Variants in TANC1 observed in about 807,000 individuals in gnomAD.
TANC1 encodes tetratricopeptide repeat, ankyrin repeat and coiled-coil containing 1.
TANC1 carries 77 observed loss-of-function variants against 149.7 expected under a neutral mutation model. The ratio of observed to expected loss-of-function variants is 0.51; its 90% CI spans 0.43 to 0.62. TANC1 has a LOEUF of 0.62. Ranked by LOEUF, TANC1 falls within the 20% of genes least tolerant of loss-of-function variation. The pLI, the probability that TANC1 is intolerant of heterozygous loss-of-function variation, is 0.00. For missense variants in TANC1, 1,985 were observed against 2,321.8 expected (o/e 0.85, Z 2.98); for synonymous variants, 854 against 925.0 (o/e 0.92, Z 1.39).
chr2:159,109,194 CTCTGTCTGCCCCAGTCATGAGTGTG>C (rs1359287013), intron 4 of TANC1, among the ~76,000 whole-genome samples: 3 of 152,158 alleles, frequency 2.0e-5, no homozygotes, highest in African/African-American at 7.2e-5. Context: ...TGCAGGCTGT[CTCTGTCTGCCCCAGTCATGAGTGTG>C]TCTGTCTGCC....
intron 4 of TANC1, among the ~76,000 whole-genome samples, chr2:159,134,816 T>G (rs572349930): frequency 2.0e-5 from 3 of 151,734 alleles, no homozygotes; most frequent in Admixed American, 6.6e-5. Context: ...AGACCAGGTC[T>G]TCACTGTGTT....
chr2:158,971,663 T>C (rs1417153835), intron 1 of TANC1, among the ~76,000 whole-genome samples: 1 of 152,138 alleles, frequency 6.6e-6, no homozygotes, highest in Non-Finnish European at 1.5e-5. Context: ...ATTTTTTTCA[T>C]CCCTAAAATG....
chr2:159,039,597 A>G (rs2040469982), intron 2 of TANC1, among the ~76,000 whole-genome samples: 1 of 152,116 alleles, frequency 6.6e-6, no homozygotes, highest in Non-Finnish European at 1.5e-5. Context: ...TTCTGCCTTC[A>G]TTCGTTATTT....
At chr2:159,167,483 C>T (rs974351104) in intron 8 of TANC1, among the ~76,000 whole-genome samples, 5 of 152,200 alleles carry the variant, frequency 3.3e-5, no homozygotes, top group East Asian at 1.9e-4. Context: ...ACCGTACATT[C>T]GATCCATTTA....
At chr2:159,070,752 C>T (rs1300177179) in intron 3 of TANC1, among the ~76,000 whole-genome samples, 1 of 152,142 alleles carries the variant, frequency 6.6e-6, no homozygotes, top group Non-Finnish European at 1.5e-5. Context: ...ACAAGATGGA[C>T]TTTACTATCC....
chr2:159,207,152 GA>G, intron 19 of TANC1, among the ~76,000 whole-genome samples: 1 of 152,180 alleles, frequency 6.6e-6, no homozygotes. Flanking sequence ...AGGACATGAG[GA>G]ACCGCTCAAA....
At chr2:159,078,462 C>A (rs1030249678) in intron 3 of TANC1, among the ~76,000 whole-genome samples, 8 of 152,138 alleles carry the variant, frequency 5.3e-5, no homozygotes, top group Admixed American at 4.6e-4. Context: ...TTTATAGGAT[C>A]AAGTGAAGGA....
At chr2:158,988,706 G>A (rs1002844490) in intron 1 of TANC1, among the ~76,000 whole-genome samples, 16 of 152,156 alleles carry the variant, frequency 1.1e-4, no homozygotes, top group African/African-American at 3.9e-4. Context: ...GCCAGGCTCT[G>A]TGCTAAGTGC....
At chr2:159,062,301 T>C (rs2149670564) in intron 2 of TANC1, among the ~76,000 whole-genome samples, 1 of 152,214 alleles carries the variant, frequency 6.6e-6, no homozygotes, top group African/African-American at 2.4e-5. Flanking sequence ...AAAAGAACAT[T>C]ATTTCTTATG....
intron 11 of TANC1, among the ~76,000 whole-genome samples, chr2:159,174,410 A>G (rs942345087): frequency 2.0e-5 from 3 of 152,084 alleles, no homozygotes; most frequent in Non-Finnish European, 2.9e-5. Context: ...ACTCCTCCAC[A>G]GTGTCCCTTG....
At chr2:159,040,592 C>T (rs1048235006) in intron 2 of TANC1, among the ~76,000 whole-genome samples, 2 of 152,296 alleles carry the variant, frequency 1.3e-5, no homozygotes, top group Non-Finnish European at 2.9e-5. Flanking sequence ...GTTCTCGTGC[C>T]ATGATTTTCA....
In TANC1 at chr2:159,065,903, T is replaced by A. The variant is rs2042613319; in HGVS notation, c.-8T>A. 1 of 1,612,880 alleles carries A rather than the reference T, an allele frequency of 6.2e-7. No homozygotes were observed. ...TGTTTCTTTTCTCCTTAGAAACAAG[T>A]GTTGAAAATGTTAAAGGCTGTGCTG... On this transcript the variant is annotated 5_prime_UTR_variant, in exon 3 of 27. Coordinates refer to ENST00000263635, the MANE Select transcript of TANC1 (RefSeq NM_033394.3).
At chr2:158,988,446 G>T (rs531460507) in intron 1 of TANC1, among the ~76,000 whole-genome samples, 1 of 152,076 alleles carries the variant, frequency 6.6e-6, no homozygotes, top group Non-Finnish European at 1.5e-5. Context: ...CAAGATTTGG[G>T]TTCATTAACT....
At chr2:159,210,692 C>T (rs530297970) in intron 19 of TANC1, among the ~76,000 whole-genome samples, 33 of 151,918 alleles carry the variant, frequency 2.2e-4, no homozygotes, top group African/African-American at 7.2e-4. Flanking sequence ...TCAGCTTTCC[C>T]GAGTAGCTGG....
chr2:159,134,774 C>T (rs1368160031), intron 4 of TANC1, among the ~76,000 whole-genome samples: 1 of 151,966 alleles, frequency 6.6e-6, no homozygotes, highest in Admixed American at 6.6e-5. Flanking sequence ...TGAGCCACCG[C>T]GCCTGGCCTC....
At chr2:159,227,714 T>G in intron 24 of TANC1, 105 bp from the exon 25 acceptor site, 1 of 1,253,950 alleles carries the variant, frequency 8.0e-7, no homozygotes, top group Non-Finnish European at 1.1e-6. Flanking sequence ...TGTTCTGTCG[T>G]GGGTTTGCAG....
chr2:159,033,282 A>G (rs949972238), intron 2 of TANC1, among the ~76,000 whole-genome samples: 7 of 152,190 alleles, frequency 4.6e-5, no homozygotes, highest in East Asian at 1.9e-4. Context: ...GTAAGTGGCC[A>G]TGGATGAATT....
At chr2:159,143,474 G>A (rs2051668456) in intron 5 of TANC1, among the ~76,000 whole-genome samples, 2 of 137,496 alleles carry the variant, frequency 1.5e-5, no homozygotes, top group South Asian at 4.8e-4. Flanking sequence ...TCCAGCACTT[G>A]GGGAGGCTGA....
At chr2:159,081,752 C>T (rs1473198419) in intron 3 of TANC1, among the ~76,000 whole-genome samples, 3 of 152,076 alleles carry the variant, frequency 2.0e-5, no homozygotes, top group African/African-American at 4.8e-5. Flanking sequence ...ATTGGAGGGG[C>T]GGGGCAGAAA....
Sources: allele counts gnomAD v4.1 joint callset (sites outside exome capture counted in the v4.1 genomes callset), GRCh38; gene constraint gnomAD v4.1.1; transcripts MANE v1.5; gene names NCBI Gene and HGNC (gene_info 2026-07-23, HGNC 2026-07-21).